Variants in POLA1 observed in about 807,000 individuals in gnomAD.
POLA1 encodes the protein DNA polymerase alpha 1, catalytic subunit, also known as DNA polymerase alpha catalytic subunit.
POLA1 carries 15 observed loss-of-function variants against 124.0 expected under a neutral mutation model. The observed-to-expected ratio is 0.12, with a 90% CI of 0.08 to 0.19. POLA1 has a LOEUF of 0.19. POLA1 is among the 10% of genes least tolerant of loss of function. The pLI, the probability that POLA1 is intolerant of heterozygous loss-of-function variation, is 1.00. For synonymous variants in POLA1, 408 were observed against 389.4 expected (o/e 1.05, Z -0.56); for missense variants, 886 against 1,103.4 (o/e 0.80, Z 2.79).
chrX:24,908,489 G>T (rs919845209), intron 35 of POLA1, among the ~76,000 whole-genome samples: 3 of 103,916 alleles, frequency 2.9e-5, no homozygotes, highest in Non-Finnish European at 3.9e-5. Flanking sequence ...GCGGTGTTTG[G>T]TTTTTTTGTC....
chrX:24,796,596 C>T (rs1299025009), intron 26 of POLA1, among the ~76,000 whole-genome samples: 1 of 111,593 alleles, frequency 9.0e-6, no homozygotes, highest in African/African-American at 3.3e-5. Flanking sequence ...TGCCTAGTCT[C>T]CCTTTTCTCT....
chrX:24,879,358 G>C (rs2046974903), intron 34 of POLA1, among the ~76,000 whole-genome samples: 1 of 111,653 alleles, frequency 9.0e-6, no homozygotes, highest in African/African-American at 3.3e-5. Context: ...ATTACAGTTG[G>C]AATGTTACAT....
chrX:24,707,458 G>A (rs958011519), intron 4 of POLA1, among the ~76,000 whole-genome samples: 1 of 111,999 alleles, frequency 8.9e-6, no homozygotes, highest in African/African-American at 3.2e-5. Flanking sequence ...TGAAGAGAAT[G>A]ATTTGATCTG....
At chrX:24,835,111 G>A (rs192940282) in intron 32 of POLA1, among the ~76,000 whole-genome samples, 2 of 107,387 alleles carry the variant, frequency 1.9e-5, no homozygotes, top group Admixed American at 2.0e-4. Flanking sequence ...GCAGTGGTGC[G>A]ATCTCGGATC....
chrX:24,783,644 A>AT (rs1233042764), intron 26 of POLA1, among the ~76,000 whole-genome samples: 1 of 111,232 alleles, frequency 9.0e-6, no homozygotes, highest in Non-Finnish European at 1.9e-5. Context: ...TTCTTGATTT[A>AT]TTTTTTTTAA....
Position 24,843,565 on chromosome X carries a change from G to A in POLA1, c.3935G>A (p.Ser1312Asn). 1 of 1,195,092 alleles carries A rather than the reference G, an allele frequency of 8.4e-7. No homozygotes were observed. Among genetic ancestry groups the A allele is most frequent in the South Asian group, 1.8e-5 (1 of 54,667 alleles). ...FDGSGTDMEP[S>N]LYRCSNIDCK... The stretch of plus-strand genomic sequence containing the variant: ...ATGTAGGGAACAGATATGGAGCCCA[G>A]CTTGTATCGTTGCAGTAACATCGAT... The change falls in exon 34 of 37, where the codon AGC becomes AAC. Residue 1312 changes from serine to asparagine, a missense_variant. This residue lies in a region of POLA1 where 313 missense variants were observed against 359.7 expected (regional missense o/e 0.87). Transcript: ENST00000379068.
At chrX:24,885,517 C>T (rs1008008405) in intron 34 of POLA1, among the ~76,000 whole-genome samples, 3 of 110,487 alleles carry the variant, frequency 2.7e-5, no homozygotes, top group African/African-American at 1.0e-4. Flanking sequence ...TATCTTGTTT[C>T]TCTCTCTCTC....
chrX:24,734,602 A>G (rs1328999234), intron 17 of POLA1, among the ~76,000 whole-genome samples: 2 of 111,343 alleles, frequency 1.8e-5, no homozygotes, highest in African/African-American at 6.5e-5. Flanking sequence ...TGACCTAGGA[A>G]AATTCCATTA....
At chrX:24,723,560 T>A (rs907032866) in intron 11 of POLA1, among the ~76,000 whole-genome samples, 1 of 112,938 alleles carries the variant, frequency 8.9e-6, no homozygotes, top group Admixed American at 9.3e-5. Flanking sequence ...ATAATCAGGG[T>A]TGGAACTATA....
At chrX:24,787,141 A>G (rs760578243) in intron 26 of POLA1, among the ~76,000 whole-genome samples, 2 of 111,239 alleles carry the variant, frequency 1.8e-5, no homozygotes, top group South Asian at 7.5e-4. Context: ...TTATCAGATA[A>G]TATGGTTTGC....
intron 26 of POLA1, among the ~76,000 whole-genome samples, chrX:24,768,474 C>T (rs942842144): frequency 1.8e-5 from 2 of 111,958 alleles, no homozygotes; most frequent in Non-Finnish European, 3.8e-5. Context: ...GTACCACTCA[C>T]CATCTGTTAT....
intron 16 of POLA1, 140 bp from the exon 17 acceptor site, chrX:24,733,615 A>G (rs1931073752): frequency 1.1e-5 from 4 of 348,866 alleles, no homozygotes; most frequent in South Asian, 8.7e-5. Context: ...GACCAGTGGA[A>G]GTATTTGATG....
intron 26 of POLA1, among the ~76,000 whole-genome samples, chrX:24,801,853 A>G (rs1348626774): frequency 9.2e-6 from 1 of 109,013 alleles, no homozygotes; most frequent in Admixed American, 9.9e-5. Flanking sequence ...TAGCAGTGCT[A>G]TTAGGCTTTG....
At chrX:24,924,677 G>A (rs2047664941) in intron 35 of POLA1, among the ~76,000 whole-genome samples, 1 of 111,728 alleles carries the variant, frequency 9.0e-6, no homozygotes, top group Non-Finnish European at 1.9e-5. Context: ...AATTATGGAG[G>A]CACAAACGGC....
chrX:24,829,818 G>A (rs750344346), intron 32 of POLA1, among the ~76,000 whole-genome samples: 68 of 111,919 alleles, frequency 6.1e-4, no homozygotes, highest in African/African-American at 2.1e-3. Flanking sequence ...AGAGGTGCAA[G>A]CTGTAGGCAT....
intron 15 of POLA1, among the ~76,000 whole-genome samples, chrX:24,728,528 A>G (rs866506015): frequency 5.4e-5 from 6 of 111,912 alleles, no homozygotes; most frequent in African/African-American, 9.8e-5. Flanking sequence ...TATTTAATCT[A>G]TGTGCCTCTT....
At chrX:24,768,712 C>A in intron 26 of POLA1, among the ~76,000 whole-genome samples, 1 of 111,851 alleles carries the variant, frequency 8.9e-6, no homozygotes, top group Non-Finnish European at 1.9e-5. Flanking sequence ...ATGAAACAGT[C>A]TGACACAAAA....
chrX:24,801,810 A>G (rs1363993326), intron 26 of POLA1, among the ~76,000 whole-genome samples: 1 of 110,529 alleles, frequency 9.0e-6, no homozygotes, highest in African/African-American at 3.3e-5. Context: ...TAGAGAGGTT[A>G]TATTGTTTGC....
At chrX:24,725,487 C>T (rs764024270) in intron 12 of POLA1, among the ~76,000 whole-genome samples, 2 of 111,095 alleles carry the variant, frequency 1.8e-5, no homozygotes, top group South Asian at 3.8e-4. Flanking sequence ...CGTGAGCCAC[C>T]GTGCCCAGCC....
Sources: allele counts gnomAD v4.1 joint callset (sites outside exome capture counted in the v4.1 genomes callset), GRCh38; gene constraint gnomAD v4.1.1; regional missense constraint gnomAD v4.1.1; transcripts MANE v1.5; gene names NCBI Gene and HGNC (gene_info 2026-07-23, HGNC 2026-07-21).